RIMS2: variants seen among roughly 807,000 people sequenced by gnomAD.
The protein encoded by RIMS2 is regulating synaptic membrane exocytosis protein 2.
RIMS2 carries 59 observed loss-of-function variants against 174.4 expected under a neutral mutation model. That is an observed-to-expected ratio of 0.34 (90% CI 0.27 to 0.42). The LOEUF is 0.42. Ranked by LOEUF, RIMS2 falls within the 10% of genes least tolerant of loss-of-function variation. The pLI is 1.00. For missense variants in RIMS2, 1,620 were observed against 1,666.3 expected, an observed-to-expected ratio of 0.97 and a Z score of 0.48; for synonymous variants, 606 against 572.5, an observed-to-expected ratio of 1.06 and a Z score of -0.84.
chr8:104,251,511 C>T, intron 23 of RIMS2, 91 bp from the exon 30 acceptor site: 1 of 746,192 alleles, frequency 1.3e-6, no homozygotes. Context: ...AGAAAATTAA[C>T]TGAATGTACT....
intron 19 of RIMS2, among the ~76,000 whole-genome samples, chr8:104,129,148 T>A (rs1204325410): frequency 6.6e-6 from 1 of 150,886 alleles, no homozygotes; most frequent in Non-Finnish European, 1.5e-5. Flanking sequence ...ATTTTGAGAG[T>A]GTGAGGCAGG....
intron 20 of RIMS2, among the ~76,000 whole-genome samples, chr8:104,245,320 A>C (rs2099325168): frequency 6.6e-6 from 1 of 152,256 alleles, no homozygotes. Context: ...AATGCAATGC[A>C]AATAAAATAT....
intron 17 of RIMS2, among the ~76,000 whole-genome samples, chr8:104,005,106 A>C (rs2095525670): frequency 6.6e-6 from 1 of 152,068 alleles, no homozygotes; most frequent in South Asian, 2.1e-4. Context: ...AAATCTGGAG[A>C]CTGGGGTTCA....
chr8:103,644,684 T>A (rs2096290897), intron 1 of RIMS2, among the ~76,000 whole-genome samples: 1 of 151,050 alleles, frequency 6.6e-6, no homozygotes. Flanking sequence ...AATATTTATT[T>A]AAAACATAAA....
intron 4 of RIMS2, among the ~76,000 whole-genome samples, chr8:103,887,489 C>G (rs568500568): frequency 6.6e-6 from 1 of 151,346 alleles, no homozygotes; most frequent in Admixed American, 6.6e-5. Context: ...AAGTATTTAA[C>G]TGTATATTAT....
chr8:104,019,703 AC>A (rs1468872343), intron 19 of RIMS2, among the ~76,000 whole-genome samples: 2 of 152,254 alleles, frequency 1.3e-5, no homozygotes, highest in East Asian at 3.9e-4. Context: ...TTAGAATGTC[AC>A]CCTTCTTCCA....
chr8:103,697,441 G>T (rs1270660075), intron 2 of RIMS2, 145 bp downstream of exon 4: 4 of 706,672 alleles, frequency 5.7e-6, no homozygotes, highest in Non-Finnish European at 9.9e-6. Flanking sequence ...AGACACGATG[G>T]CTCACGCCTG....
intron 19 of RIMS2, among the ~76,000 whole-genome samples, chr8:104,029,271 C>T (rs1281524132): frequency 6.6e-6 from 1 of 152,156 alleles, no homozygotes; most frequent in African/African-American, 2.4e-5. Flanking sequence ...TCATGATCTC[C>T]TGTCTCATCC....
At chr8:104,229,173 T>C (rs184132384) in intron 19 of RIMS2, among the ~76,000 whole-genome samples, 12 of 152,336 alleles carry the variant, frequency 7.9e-5, no homozygotes, top group East Asian at 3.9e-4. Flanking sequence ...TAATGACTTA[T>C]GAAGGAAACT....
intron 19 of RIMS2, among the ~76,000 whole-genome samples, chr8:104,101,768 G>A (rs2097907749): frequency 6.6e-6 from 1 of 151,988 alleles, no homozygotes; most frequent in Non-Finnish European, 1.5e-5. Context: ...TTAACTTTTT[G>A]TTACATAACT....
intron 3 of RIMS2, chr8:103,880,467 A>G: frequency 2.7e-6 from 1 of 371,296 alleles, no homozygotes; most frequent in Admixed American, 4.5e-5. Context: ...CTATGACTCC[A>G]TCCTTTGAAT....
intron 1 of RIMS2, among the ~76,000 whole-genome samples, chr8:103,600,526 C>T (rs569803906): frequency 2.0e-5 from 3 of 152,276 alleles, no homozygotes; most frequent in South Asian, 2.1e-4. Flanking sequence ...ATGCCTTGGC[C>T]TCCCAAAGTG....
chr8:103,990,497 T>C (rs558433685), intron 17 of RIMS2, among the ~76,000 whole-genome samples: 47 of 152,226 alleles, frequency 3.1e-4, no homozygotes, highest in African/African-American at 1.1e-3. Context: ...TTAATTTGCT[T>C]AACTTTTTCA....
At chr8:103,627,451 A>G (rs1263845254) in intron 1 of RIMS2, among the ~76,000 whole-genome samples, 1 of 152,238 alleles carries the variant, frequency 6.6e-6, no homozygotes, top group African/African-American at 2.4e-5. Flanking sequence ...ACATAACGTG[A>G]TTAAGAGATT....
chr8:103,995,117 T>G (rs551791344), intron 17 of RIMS2, among the ~76,000 whole-genome samples: 46 of 152,198 alleles, frequency 3.0e-4, no homozygotes, highest in African/African-American at 1.1e-3. Flanking sequence ...CTCATAATCT[T>G]CTGTTTATGT....
chr8:103,891,865 C>T lies in RIMS2; in HGVS notation c.1624+5642C>T, dbSNP rs543058164. On this transcript the variant is annotated intron_variant, in intron 4 of 23. Coordinates refer to ENST00000504942, the Ensembl canonical transcript of RIMS2. ...CATAGGAGGAAGGAAAAATAGACTA[C>T]ACCTTTCAGATAGAAGCGTTATCCT... Among the ~76,000 whole-genome samples the T allele has an allele frequency of 3.3e-5, 5 of 152,156 alleles. No individual in the cohort carries two copies. In the South Asian group the frequency reaches 1.0e-3, roughly 32 times the overall value.
At chr8:103,996,818 TA>T (rs2095130488) in intron 17 of RIMS2, among the ~76,000 whole-genome samples, 2 of 151,822 alleles carry the variant, frequency 1.3e-5, no homozygotes, top group Non-Finnish European at 1.5e-5. Context: ...TTTTGAGAAG[TA>T]AATGAGATAA....
chr8:103,679,468 A>G (rs1488619346), intron 1 of RIMS2, among the ~76,000 whole-genome samples: 1 of 152,016 alleles, frequency 6.6e-6, no homozygotes, highest in Non-Finnish European at 1.5e-5. Flanking sequence ...GATTACTTTA[A>G]AAAGGAGTAA....
intron 1 of RIMS2, among the ~76,000 whole-genome samples, chr8:103,681,736 A>G (rs1232693416): frequency 6.6e-6 from 1 of 152,084 alleles, no homozygotes; most frequent in Non-Finnish European, 1.5e-5. Context: ...GATTTTTCTT[A>G]AGAACAATTA....
Sources: gnomAD v4.1 joint callset for allele counts (sites outside exome capture counted in the v4.1 genomes callset) on GRCh38, gnomAD v4.1.1 for gene constraint, MANE v1.5 for transcripts, NCBI Gene and HGNC (gene_info 2026-07-23, HGNC 2026-07-21) for gene names.